The following EIF2S1 variants were observed in gnomAD, a reference collection of about 807,000 sequenced individuals.
EIF2S1 encodes eukaryotic translation initiation factor 2 subunit 1.
A neutral mutation model predicts 33.5 loss-of-function variants in EIF2S1; 5 were observed. That is an observed-to-expected ratio of 0.15 (90% CI 0.08 to 0.31). The LOEUF is 0.31. Ranked by LOEUF, EIF2S1 falls within the 10% of genes least tolerant of loss-of-function variation. The pLI, the probability that EIF2S1 is intolerant of heterozygous loss-of-function variation, is 1.00. For synonymous variants in EIF2S1, 99 were observed against 127.5 expected (o/e 0.78, Z 1.51); for missense variants, 191 against 384.6 (o/e 0.50, Z 4.21).
intron 2 of EIF2S1, among the ~76,000 whole-genome samples, chr14:67,372,849 C>CA (rs891003512): frequency 6.6e-6 from 1 of 150,528 alleles, no homozygotes. Flanking sequence ...AAAAAACAAA[C>CA]AAAAAAACCC....
In EIF2S1 at chr14:67,379,487, T is replaced by C. The variant is rs75762213; in HGVS notation, c.474-1172T>C. On this transcript the variant is annotated intron_variant, in intron 4 of 7. Coordinates refer to ENST00000256383, the MANE Select transcript of EIF2S1 (RefSeq NM_004094.5). ...TTTCTGTTTATCATCTTGTTTCTTA[T>C]ACATTTATGTTGGTTGTCTTCTCGT... 4.0e-3 allele frequency among the ~76,000 whole-genome samples: 614 copies of C among 152,242 alleles called. 17 individuals carry two copies. In the East Asian group the frequency reaches 0.058, roughly 14 times the overall value.
At chr14:67,367,371 C>T (rs752759733) in intron 2 of EIF2S1, among the ~76,000 whole-genome samples, 3 of 152,172 alleles carry the variant, frequency 2.0e-5, no homozygotes, top group Non-Finnish European at 4.4e-5. Flanking sequence ...GCTGGGATTA[C>T]AGGCACACAC....
intron 2 of EIF2S1, among the ~76,000 whole-genome samples, chr14:67,368,752 G>A (rs1432659893): frequency 1.3e-5 from 2 of 152,106 alleles, no homozygotes; most frequent in Non-Finnish European, 2.9e-5. Flanking sequence ...GCCAGTTGCA[G>A]TGGTCTGTGC....
intron 4 of EIF2S1, among the ~76,000 whole-genome samples, chr14:67,380,401 T>C (rs1234763244): frequency 6.6e-6 from 1 of 152,200 alleles, no homozygotes; most frequent in Non-Finnish European, 1.5e-5. Flanking sequence ...TAATCAATTA[T>C]AGTAGAATAT....
intron 2 of EIF2S1, among the ~76,000 whole-genome samples, chr14:67,368,860 A>G (rs113377008): frequency 0.08 from 12,237 of 152,202 alleles, 1,157 homozygotes; most frequent in African/African-American, 0.23. Context: ...ATCTCTAGAA[A>G]TAAGTAAGTA....
intron 2 of EIF2S1, among the ~76,000 whole-genome samples, chr14:67,370,075 G>C (rs2085809863): frequency 6.6e-6 from 1 of 152,238 alleles, no homozygotes; most frequent in Non-Finnish European, 1.5e-5. Flanking sequence ...ATGAAGGGAT[G>C]GGCCGAATTA....
At chr14:67,370,179 C>G (rs1309104501) in intron 2 of EIF2S1, among the ~76,000 whole-genome samples, 3 of 152,214 alleles carry the variant, frequency 2.0e-5, no homozygotes, top group Non-Finnish European at 4.4e-5. Context: ...CCTGGGCGGG[C>G]CAGGTGTTCC....
intron 4 of EIF2S1, among the ~76,000 whole-genome samples, chr14:67,379,736 G>A (rs1230640461): frequency 7.6e-6 from 1 of 131,500 alleles, no homozygotes; most frequent in Non-Finnish European, 1.5e-5. Context: ...CTCACTGCAA[G>A]CTCCGCCTCC....
At chr14:67,375,741 GTAGTCTC>G (rs1338567285) in intron 3 of EIF2S1, among the ~76,000 whole-genome samples, 1 of 152,132 alleles carries the variant, frequency 6.6e-6, no homozygotes, top group African/African-American at 2.4e-5. Context: ...CACTTAGAAT[GTAGTCTC>G]TAAACTAGCA....
intron 4 of EIF2S1, among the ~76,000 whole-genome samples, chr14:67,378,247 A>G (rs1365348831): frequency 6.6e-6 from 1 of 151,430 alleles, no homozygotes; most frequent in Non-Finnish European, 1.5e-5. Context: ...ACCCAAGACC[A>G]TTAAGAGTCC....
In EIF2S1 at chr14:67,384,665, AAG is replaced by A. The variant is rs2085909516; in HGVS notation, c.*1228_*1229del. ...CAATATTAAAGGGTCTGGAAAATAG[AAG>A]AGTGTGTTGGGCAGGTAGTTTGTAC... On this transcript the variant is annotated 3_prime_UTR_variant, in exon 8 of 8. Coordinates refer to ENST00000256383, the MANE Select transcript of EIF2S1 (RefSeq NM_004094.5). 1 of 152,232 alleles carries A rather than the reference AAG, an allele frequency of 6.6e-6. No homozygotes were observed. 9.4% of individuals were successfully genotyped at this position (152,232 alleles called of 1,614,324 possible). A position where few individuals can be genotyped will look rare whatever the true frequency, so the allele number is the denominator to read the frequency against.
At position 67,364,846 on chromosome 14, in the gene EIF2S1, A is replaced by G. The variant is rs773454508; in HGVS notation, c.79A>G (p.Ile27Val). 6.2e-7 allele frequency: 1 copy of G among 1,613,938 alleles called. No homozygotes were observed. The change falls in exon 2 of 8, where the codon ATT becomes GTT. Residue 27 changes from isoleucine to valine, a missense_variant. Ile to Val is a conservative substitution (Grantham distance 29). Coordinates refer to ENST00000256383, the MANE Select transcript of EIF2S1 (RefSeq NM_004094.5). ...EDVVMVNVRS[I>V]AEMGAYVSLL... is the part of the protein sequence containing the mutation. ...TGTAGTGATGGTGAATGTCAGATCC[A>G]TTGCTGAAATGGGGGCTTATGTCAG... is the stretch of plus-strand genomic sequence containing the variant.
At chr14:67,382,730 G>T (rs1441251612) in intron 7 of EIF2S1, 140 bp downstream of exon 7, 10 of 894,290 alleles carry the variant, frequency 1.1e-5, no homozygotes, top group Non-Finnish European at 1.6e-5. Flanking sequence ...TGGTGTTAGG[G>T]TCACCCCCCG....
Position 67,383,577 on chromosome 14 carries a change from CAG to C in EIF2S1, c.*139_*140del, listed in dbSNP as rs767809095. 1 of 1,237,640 alleles carries C rather than the reference CAG, an allele frequency of 8.1e-7. No individual in the cohort carries two copies. The allele number at this position is 1,237,640 out of a possible 1,614,324, so 76.7% of individuals were successfully genotyped here. ...ATTTCTAAGTATTTAAATGTTCTAA[CAG>C]ATCAGAACATGAAATGCCCTCCTAA... On this transcript the variant is annotated 3_prime_UTR_variant, in exon 8 of 8. Transcript: ENST00000256383.
intron 2 of EIF2S1, among the ~76,000 whole-genome samples, chr14:67,365,345 G>C (rs2085768232): frequency 6.6e-6 from 1 of 152,230 alleles, no homozygotes; most frequent in Non-Finnish European, 1.5e-5. Flanking sequence ...GCCTGAATAT[G>C]TTGGATGCCT....
At chr14:67,380,882 G>A in intron 5 of EIF2S1, 117 bp downstream of exon 5, 1 of 495,960 alleles carries the variant, frequency 2.0e-6, no homozygotes, top group Non-Finnish European at 3.4e-6. Context: ...TTTTCTAAAT[G>A]GTTGTTTTTT....
intron 3 of EIF2S1, among the ~76,000 whole-genome samples, chr14:67,375,410 G>A (rs1412421052): frequency 2.0e-5 from 3 of 152,062 alleles, no homozygotes; most frequent in Admixed American, 2.0e-4. Flanking sequence ...GCGTAAGCCA[G>A]TGTGCCCAGC....
At position 67,383,637 on chromosome 14, in the gene EIF2S1, CTT is replaced by C. The variant is rs1336324509; in HGVS notation, c.*199_*200del. The C allele has an allele frequency of 1.2e-5, 8 of 644,552 alleles. No homozygotes were observed. In the East Asian group the frequency reaches 3.3e-4, roughly 26 times the overall value. The allele number at this position is 644,552 out of a possible 1,614,324, so 39.9% of individuals were successfully genotyped here. A position where few individuals can be genotyped will look rare whatever the true frequency, so the allele number is the denominator to read the frequency against. ...CTGTTGTCACACAGTAGCTCCAACA[CTT>C]TGAGCATTTTTAAGGGAGTGGCCTC... On this transcript the variant is annotated 3_prime_UTR_variant, in exon 8 of 8. Transcript: ENST00000256383.
intron 7 of EIF2S1, 191 bp downstream of exon 7, chr14:67,382,781 AG>A: frequency 8.4e-6 from 5 of 597,238 alleles, no homozygotes; most frequent in Non-Finnish European, 1.4e-5. Flanking sequence ...ATAAATGAGA[AG>A]TTTTTTTATG....
Sources: gnomAD v4.1 joint callset for allele counts (sites outside exome capture counted in the v4.1 genomes callset) on GRCh38, gnomAD v4.1.1 for gene constraint, MANE v1.5 for transcripts, NCBI Gene and HGNC (gene_info 2026-07-23, HGNC 2026-07-21) for gene names.